The following ENDOD1 variants were observed in gnomAD, a reference collection of about 807,000 sequenced individuals.
ENDOD1 encodes endonuclease domain containing 1.
In ENDOD1, 9 loss-of-function variants were observed where a neutral mutation model predicts 6.5. The ratio of observed to expected loss-of-function variants is 1.39; its 90% confidence interval spans 0.84 to 2.43. The LOEUF (loss-of-function observed/expected upper bound fraction) is 2.43. ENDOD1 is among the 30% of genes most tolerant of loss of function. The pLI, the probability that ENDOD1 is intolerant of heterozygous loss-of-function variation, is 0.00. For synonymous variants in ENDOD1, 255 were observed against 255.2 expected (o/e 1.00, Z 0.01); for missense variants, 648 against 635.5 (o/e 1.02, Z -0.21).
chr11:95,105,449 G>A (rs545078725), intron 1 of ENDOD1, among the ~76,000 whole-genome samples: 15 of 151,938 alleles, frequency 9.9e-5, no homozygotes, highest in Middle Eastern at 3.4e-3. Context: ...TTTAAGTTCC[G>A]GGGTGCATGT....
rs147561615 is a variant in ENDOD1 at position 95,113,778 on chromosome 11, C to T, written c.301-14599C>T. Among the ~76,000 whole-genome samples, 6 of 152,298 alleles carry T rather than the reference C, an allele frequency of 3.9e-5. No homozygotes were observed. In the East Asian group the frequency reaches 1.2e-3, roughly 29 times the overall value. ...GGGTATATACTCAGAAGTGGAATTG[C>T]TGCGTCATATTGTCACTCTATTTTT... On this transcript the variant is annotated intron_variant, in intron 1 of 1. Coordinates refer to ENST00000278505, the MANE Select transcript of ENDOD1 (RefSeq NM_015036.3).
chr11:95,124,010 C>T (rs1859287753), intron 1 of ENDOD1, among the ~76,000 whole-genome samples: 1 of 151,984 alleles, frequency 6.6e-6, no homozygotes. Context: ...TTGCAAAGTA[C>T]TTAACTATAC....
At position 95,090,065 on chromosome 11, in the gene ENDOD1, G is replaced by A; in HGVS notation, c.138G>A (p.Gly46=). 6.2e-7 allele frequency: 1 copy of A among 1,602,678 alleles called. No homozygotes were observed. Among genetic ancestry groups the A allele is most frequent in the Non-Finnish European group, 8.5e-7 (1 of 1,175,806 alleles). ...TCTACGCCGGGACCCCGCCTGCGGG[G>A]CTGGCGGCCGATTCCCACGTGAAGA... ...KFFYAGTPPA[G]LAADSHVKIC... Residue 46 remains glycine (G), a synonymous_variant, in exon 1 of 2, where the codon GGG becomes GGA. Coordinates refer to ENST00000278505, the MANE Select transcript of ENDOD1 (RefSeq NM_015036.3).
At chr11:95,113,312 T>A (rs578192219) in intron 1 of ENDOD1, among the ~76,000 whole-genome samples, 46 of 152,294 alleles carry the variant, frequency 3.0e-4, no homozygotes, top group Middle Eastern at 3.4e-3. Flanking sequence ...CACCCTATTG[T>A]GCTATCAAAT....
intron 1 of ENDOD1, among the ~76,000 whole-genome samples, chr11:95,108,904 T>A (rs1404309587): frequency 6.6e-6 from 1 of 152,164 alleles, no homozygotes; most frequent in Non-Finnish European, 1.5e-5. Context: ...CTGATAAGAT[T>A]ATCTGATGTT....
chr11:95,116,237 A>G (rs189813265), intron 1 of ENDOD1, among the ~76,000 whole-genome samples: 1 of 152,050 alleles, frequency 6.6e-6, no homozygotes, highest in Non-Finnish European at 1.5e-5. Context: ...TATGCCTAGG[A>G]ATTTGTCCAT....
chr11:95,118,754 A>C (rs964404687), intron 1 of ENDOD1, among the ~76,000 whole-genome samples: 1 of 152,072 alleles, frequency 6.6e-6, no homozygotes, highest in Non-Finnish European at 1.5e-5. Context: ...TTCTACTTCT[A>C]TCTCTTTCTC....
At chr11:95,125,795 AG>A (rs1859306347) in intron 1 of ENDOD1, among the ~76,000 whole-genome samples, 1 of 152,144 alleles carries the variant, frequency 6.6e-6, no homozygotes, top group African/African-American at 2.4e-5. Context: ...GTGGCTGCAT[AG>A]TATTCCATGG....
intron 1 of ENDOD1, among the ~76,000 whole-genome samples, chr11:95,095,497 A>C (rs1005931104): frequency 2.0e-4 from 1 of 5,088 alleles, no homozygotes; most frequent in Non-Finnish European, 4.3e-4. Flanking sequence ...TTTGTTTTGC[A>C]GGCCATTCTC....
intron 1 of ENDOD1, among the ~76,000 whole-genome samples, chr11:95,090,982 G>A (rs117796627): frequency 0.015 from 2,331 of 152,168 alleles, 35 homozygotes; most frequent in Non-Finnish European, 0.022. Flanking sequence ...AGATAAGCCA[G>A]TTTTTCCTGA....
intron 1 of ENDOD1, among the ~76,000 whole-genome samples, chr11:95,111,034 T>G (rs1344945397): frequency 1.3e-5 from 2 of 151,590 alleles, no homozygotes; most frequent in Non-Finnish European, 2.9e-5. Flanking sequence ...AGAAAAGGAG[T>G]GGAGGAGGCC....
At chr11:95,122,542 T>G (rs1053550617) in intron 1 of ENDOD1, among the ~76,000 whole-genome samples, 1 of 151,550 alleles carries the variant, frequency 6.6e-6, no homozygotes, top group Non-Finnish European at 1.5e-5. Flanking sequence ...GCCTGGCCTA[T>G]TACTATTTTT....
At chr11:95,095,108 T>C (rs1267811423) in intron 1 of ENDOD1, among the ~76,000 whole-genome samples, 2 of 152,330 alleles carry the variant, frequency 1.3e-5, no homozygotes, top group African/African-American at 4.8e-5. Context: ...CATCTACAAT[T>C]CTGCAAATCT....
intron 1 of ENDOD1, among the ~76,000 whole-genome samples, chr11:95,117,920 T>G (rs1859226396): frequency 6.6e-6 from 1 of 152,206 alleles, no homozygotes; most frequent in African/African-American, 2.4e-5. Flanking sequence ...TTTTGGTGTA[T>G]CTGCTGTATA....
intron 1 of ENDOD1, among the ~76,000 whole-genome samples, chr11:95,103,328 T>TTTTA (rs1859059647): frequency 6.6e-6 from 1 of 152,184 alleles, no homozygotes. Flanking sequence ...TTGGTTATCT[T>TTTTA]TTTATTTATT....
rs1280600959 is a variant in ENDOD1 at position 95,132,577 on chromosome 11, A to G, written c.*2998A>G. The G allele has an allele frequency of 6.6e-6, 1 of 152,208 alleles. No homozygotes were observed. The highest frequency in any genetic ancestry group is 2.4e-5 in the African/African-American group (1 of 41,454). 9.4% of individuals were successfully genotyped at this position (152,208 alleles called of 1,614,324 possible). A position where few individuals can be genotyped will look rare whatever the true frequency, so the allele number is the denominator to read the frequency against. On this transcript the variant is annotated 3_prime_UTR_variant, in exon 2 of 2. Transcript: ENST00000278505. ...TTTACAGAGGGTGTGACAAAACTCA[A>G]TTTGACATTTTCAAGCTATGTACAA...
rs1565441909 is a variant in ENDOD1 at position 95,090,045 on chromosome 11, G to T, written c.118G>T (p.Ala40Ser). ...TGGCGAATGTGACAAGTTCTTCTAC[G>T]CCGGGACCCCGCCTGCGGGGCTGGC... ...GFGECDKFFY[A>S]GTPPAGLAAD... Residue 40 changes from alanine to serine, a missense_variant, in exon 1 of 2, where the codon GCC (alanine) becomes TCC (serine). Coordinates refer to ENST00000278505, the MANE Select transcript of ENDOD1 (RefSeq NM_015036.3). 1.2e-6 allele frequency: 2 copies of T among 1,601,068 alleles called. No individual in the cohort carries two copies. Among genetic ancestry groups the T allele is most frequent in the Non-Finnish European group, 1.7e-6 (2 of 1,175,160 alleles).
At chr11:95,122,300 C>T (rs1859269093) in intron 1 of ENDOD1, among the ~76,000 whole-genome samples, 1 of 152,046 alleles carries the variant, frequency 6.6e-6, no homozygotes, top group South Asian at 2.1e-4. Flanking sequence ...TTGGCTACTG[C>T]AACCTCCACC....
At chr11:95,107,886 C>T (rs1253476560) in intron 1 of ENDOD1, among the ~76,000 whole-genome samples, 1 of 152,090 alleles carries the variant, frequency 6.6e-6, no homozygotes, top group Non-Finnish European at 1.5e-5. Flanking sequence ...CCAGGATGAT[C>T]TCGATCTCCT....
Sources: gnomAD v4.1 joint callset for allele counts (sites outside exome capture counted in the v4.1 genomes callset) on GRCh38, gnomAD v4.1.1 for gene constraint, MANE v1.5 for transcripts, NCBI Gene and HGNC (gene_info 2026-07-23, HGNC 2026-07-21) for gene names.